Variants in ADD3 observed in about 807,000 individuals in gnomAD.
ADD3 encodes gamma-adducin.
ADD3 carries 25 observed loss-of-function variants against 80.2 expected under a neutral mutation model. That is an observed-to-expected ratio of 0.31 (90% confidence interval 0.23 to 0.44). The LOEUF is 0.44. Ranked by LOEUF, ADD3 falls within the 20% of genes least tolerant of loss-of-function variation. ADD3 has a pLI of 1.00. For synonymous variants in ADD3, 284 were observed against 289.6 expected, an observed-to-expected ratio of 0.98 and a Z score of 0.20; for missense variants, 829 against 847.5, an observed-to-expected ratio of 0.98 and a Z score of 0.27.
At chr10:110,090,157 C>G (rs1230419171) in intron 1 of ADD3, among the ~76,000 whole-genome samples, 1 of 148,692 alleles carries the variant, frequency 6.7e-6, no homozygotes, top group Non-Finnish European at 1.5e-5. Flanking sequence ...CCAACTCTGT[C>G]TTTAGTCTTT....
At chr10:110,063,203 A>G (rs926497655) in intron 1 of ADD3, among the ~76,000 whole-genome samples, 1 of 152,152 alleles carries the variant, frequency 6.6e-6, no homozygotes, top group Non-Finnish European at 1.5e-5. Context: ...AGATGGGAGA[A>G]GCTGTTGAAT....
intron 1 of ADD3, among the ~76,000 whole-genome samples, chr10:110,053,122 A>G (rs1027977735): frequency 2.6e-5 from 4 of 152,208 alleles, no homozygotes; most frequent in African/African-American, 7.2e-5. Flanking sequence ...TACAAGCCAG[A>G]TGGCTGAGAG....
At chr10:110,038,579 T>A (rs1235646022) in intron 1 of ADD3, among the ~76,000 whole-genome samples, 1 of 152,254 alleles carries the variant, frequency 6.6e-6, no homozygotes, top group Admixed American at 6.5e-5. Flanking sequence ...GCCTGTCTAC[T>A]ATAAAAGGAC....
intron 1 of ADD3, among the ~76,000 whole-genome samples, chr10:110,019,791 AG>A (rs1853453758): frequency 6.6e-6 from 1 of 152,220 alleles, no homozygotes; most frequent in South Asian, 2.1e-4. Context: ...AGAGTGGCCA[AG>A]AAACCTATGA....
intron 12 of ADD3, among the ~76,000 whole-genome samples, chr10:110,127,559 G>A (rs1418341195): frequency 1.3e-5 from 2 of 152,256 alleles, no homozygotes; most frequent in Non-Finnish European, 2.9e-5. Flanking sequence ...AGAGGTTGCA[G>A]TGAGCCAAGA....
intron 1 of ADD3, among the ~76,000 whole-genome samples, chr10:110,022,396 T>C (rs918188039): frequency 6.6e-6 from 1 of 152,176 alleles, no homozygotes; most frequent in Non-Finnish European, 1.5e-5. Context: ...TCAAAGAGGA[T>C]GATACTGGGT....
intron 1 of ADD3, among the ~76,000 whole-genome samples, chr10:110,027,356 A>T (rs549483772): frequency 8.3e-4 from 127 of 152,332 alleles, no homozygotes; most frequent in African/African-American, 2.9e-3. Context: ...GTTTCATAGG[A>T]AGGCCCTGAA....
chr10:110,042,221 T>C (rs1814011271), intron 1 of ADD3, among the ~76,000 whole-genome samples: 2 of 152,230 alleles, frequency 1.3e-5, no homozygotes, highest in South Asian at 4.1e-4. Flanking sequence ...GTGGATAAAC[T>C]AGTGCCACTT....
chr10:110,127,602 C>T (rs1053796000), intron 12 of ADD3, among the ~76,000 whole-genome samples: 2 of 152,330 alleles, frequency 1.3e-5, no homozygotes, highest in South Asian at 2.1e-4. Context: ...GGTGACAGAG[C>T]GAGACTCCGT....
chr10:110,045,449 G>A (rs577944676), intron 1 of ADD3, among the ~76,000 whole-genome samples: 4 of 152,288 alleles, frequency 2.6e-5, no homozygotes, highest in African/African-American at 7.2e-5. Flanking sequence ...ATTAGTTATA[G>A]CAAAGATCTG....
At chr10:110,103,795 T>C (rs544401442) in intron 2 of ADD3, among the ~76,000 whole-genome samples, 11 of 152,220 alleles carry the variant, frequency 7.2e-5, no homozygotes, top group African/African-American at 2.4e-4. Flanking sequence ...CAAAATCCTG[T>C]GCTCAAGCGA....
intron 14 of ADD3, 94 bp from the exon 15 acceptor site, chr10:110,133,231 GC>G: frequency 8.2e-7 from 1 of 1,215,190 alleles, no homozygotes; most frequent in Non-Finnish European, 1.1e-6. Flanking sequence ...TCAAAGTAAT[GC>G]CTTATTACAT....
chr10:110,128,516 A>G (rs1852482678), intron 12 of ADD3, among the ~76,000 whole-genome samples: 1 of 152,010 alleles, frequency 6.6e-6, no homozygotes, highest in Non-Finnish European at 1.5e-5. Context: ...TCCTGGGTGC[A>G]CGCCATTCTC....
intron 1 of ADD3, among the ~76,000 whole-genome samples, chr10:110,093,985 T>TGTTA (rs1005127087): frequency 6.6e-6 from 1 of 152,196 alleles, no homozygotes; most frequent in Non-Finnish European, 1.5e-5. Flanking sequence ...ATTGATAAAA[T>TGTTA]GTTAGTGAGT....
intron 2 of ADD3, among the ~76,000 whole-genome samples, chr10:110,111,776 G>A (rs1439009021): frequency 6.6e-6 from 1 of 152,090 alleles, no homozygotes; most frequent in Non-Finnish European, 1.5e-5. Flanking sequence ...TTAGCCGGGT[G>A]GTGGCGCATG....
intron 1 of ADD3, among the ~76,000 whole-genome samples, chr10:110,035,124 C>T (rs1024456982): frequency 6.6e-6 from 1 of 152,108 alleles, no homozygotes; most frequent in African/African-American, 2.4e-5. Context: ...TATTTATAAC[C>T]AGACCATCAA....
chr10:110,103,207 A>G (rs561812117), intron 2 of ADD3, among the ~76,000 whole-genome samples: 1 of 152,366 alleles, frequency 6.6e-6, no homozygotes, highest in South Asian at 2.1e-4. Context: ...ACCAAGGGAA[A>G]TGATACTTGG....
intron 1 of ADD3, among the ~76,000 whole-genome samples, chr10:110,071,653 G>A (rs1029810848): frequency 6.6e-6 from 1 of 151,940 alleles, no homozygotes. Context: ...TCTTCACAAG[G>A]TGTTAATAAA....
chr10:110,128,005 T>C (rs1018942021), intron 12 of ADD3, among the ~76,000 whole-genome samples: 4 of 152,116 alleles, frequency 2.6e-5, no homozygotes, highest in African/African-American at 9.7e-5. Flanking sequence ...CCTATTTTAT[T>C]GTTGAAGTAG....
Sources: gnomAD v4.1 joint callset for allele counts (sites outside exome capture counted in the v4.1 genomes callset) on GRCh38, gnomAD v4.1.1 for gene constraint, MANE v1.5 for transcripts, NCBI Gene and HGNC (gene_info 2026-07-23, HGNC 2026-07-21) for gene names.